The following ASPG variants were observed in gnomAD, a reference collection of about 807,000 sequenced individuals.
ASPG encodes 60 kDa lysophospholipase.
Under a neutral mutation model 63.2 loss-of-function variants are expected in ASPG, and 53 were observed. That is an observed-to-expected ratio of 0.84 (90% CI 0.67 to 1.05). The LOEUF is 1.05. Among genes scored for constraint, ASPG ranks in the 50% least tolerant of loss-of-function variants. The probability of loss-of-function intolerance (pLI) is 0.00; values close to 1 mark genes in which losing one functional copy is unlikely to be tolerated. For synonymous variants in ASPG, 370 were observed against 355.0 expected, an observed-to-expected ratio of 1.04 and a Z score of -0.48; for missense variants, 741 against 794.4, an observed-to-expected ratio of 0.93 and a Z score of 0.81.
intron 6 of ASPG, 60 bp downstream of exon 6, chr14:104,099,039 G>A (rs2036755206): frequency 2.6e-6 from 4 of 1,523,808 alleles, no homozygotes; most frequent in Admixed American, 1.9e-5. Context: ...GCGAGGGGCT[G>A]CTGCAGGGAG....
chr14:104,101,194 C>T (rs1388192714), intron 6 of ASPG, among the ~76,000 whole-genome samples: 4 of 152,286 alleles, frequency 2.6e-5, no homozygotes, highest in East Asian at 1.9e-4. Context: ...GCTGCCGGGC[C>T]GGTTCTGGCA....
intron 11 of ASPG, 34 bp from the exon 12 acceptor site, chr14:104,107,148 C>A (rs780694265): frequency 3.9e-6 from 6 of 1,532,688 alleles, no homozygotes; most frequent in Non-Finnish European, 3.5e-6. Context: ...GCCTGGGTCT[C>A]CCTCAGGGGT....
intron 12 of ASPG, among the ~76,000 whole-genome samples, chr14:104,107,932 A>G (rs1367532874): frequency 1.3e-5 from 2 of 152,126 alleles, no homozygotes; most frequent in African/African-American, 2.4e-5. Flanking sequence ...GCCCGGACCC[A>G]TGGGCTGCTC....
At chr14:104,086,904 T>A (rs1052360765) in intron 1 of ASPG, among the ~76,000 whole-genome samples, 4 of 152,122 alleles carry the variant, frequency 2.6e-5, no homozygotes, top group African/African-American at 9.7e-5. Context: ...GGGCCTCCCC[T>A]GGCATGACCA....
chr14:104,111,255 ATG>A (rs2037372171), intron 13 of ASPG: 5 of 903,140 alleles, frequency 5.5e-6, no homozygotes, highest in African/African-American at 3.6e-5. Context: ...CTGTGTGTGC[ATG>A]TGTGTTCATG....
At chr14:104,092,547 A>G in intron 1 of ASPG, 86 bp from the exon 2 acceptor site, 1 of 1,121,716 alleles carries the variant, frequency 8.9e-7, no homozygotes, top group East Asian at 2.6e-5. Context: ...CCATCCCACC[A>G]GCTCTGGTCC....
chr14:104,109,176 C>A lies in ASPG; in HGVS notation c.1434-53C>A, dbSNP rs1032414243. The A allele has an allele frequency of 3.8e-5, 60 of 1,597,112 alleles. No homozygotes were observed. The highest frequency in any genetic ancestry group is 4.9e-5 in the Non-Finnish European group (58 of 1,172,686). On this transcript the variant is annotated intron_variant, in intron 12 of 15. Transcript: ENST00000551177. The surrounding 1 kb of genome is among the most constrained non-coding windows in gnomAD (Gnocchi z 4.8). The stretch of plus-strand genomic sequence containing the variant: ...GCTCTGCTGGCTCCTGAGTGAGGTG[C>A]AGCGGGGCTGGGCTGGCCAGGGCAG...
chr14:104,093,789 A>G (rs1426110505), intron 3 of ASPG, among the ~76,000 whole-genome samples, 187 bp downstream of exon 3: 8 of 33,506 alleles, frequency 2.4e-4, no homozygotes, highest in Non-Finnish European at 2.9e-4. Context: ...GGGGCTGTGG[A>G]GTGTGGGTGG....
In ASPG at chr14:104,110,157, G is replaced by A. The variant is rs2037326754; in HGVS notation, c.1520+842G>A. On this transcript the variant is annotated intron_variant, in intron 13 of 15. Coordinates refer to ENST00000551177, the MANE Select transcript of ASPG (RefSeq NM_001080464.3). This position sits in a 1 kb window ranked among gnomAD's most constrained non-coding sequence, Gnocchi z 4.7. ...CGGAGGCAGGAGACCTGGGCCGGGT[G>A]CAGGTGGTGGCTGGGGTGGGGGTGC... 1.0e-6 allele frequency: 1 copy of A among 985,196 alleles called. No individual in the cohort carries two copies. Among genetic ancestry groups the A allele is most frequent in the African/African-American group, 1.7e-5 (1 of 57,200 alleles). 61.0% of individuals were successfully genotyped at this position (985,196 alleles called of 1,614,324 possible). A position where few individuals can be genotyped will look rare whatever the true frequency, so the allele number is the denominator to read the frequency against.
rs1202369923 is a variant in ASPG at position 104,112,513 on chromosome 14, C to T, written c.1702-11C>T. ...CCTGGGTGTCCTTCTCAGGAGCCCT[C>T]ATGTTTTCAGGAAGTGCTGCCTGGT... is the stretch of plus-strand genomic sequence containing the variant. On this transcript the variant is annotated splice_polypyrimidine_tract_variant and intron_variant, in intron 15 of 15. Coordinates refer to ENST00000551177, the MANE Select transcript of ASPG (RefSeq NM_001080464.3). 4 of 1,418,006 alleles carry T rather than the reference C, an allele frequency of 2.8e-6. No homozygotes were observed. Among genetic ancestry groups the T allele is most frequent in the South Asian group, 1.2e-5 (1 of 86,802 alleles). 87.8% of individuals were successfully genotyped at this position (1,418,006 alleles called of 1,614,324 possible).
intron 1 of ASPG, among the ~76,000 whole-genome samples, chr14:104,087,831 A>G (rs1405758494): frequency 1.3e-5 from 2 of 152,122 alleles, no homozygotes; most frequent in African/African-American, 4.8e-5. Flanking sequence ...GGGTGCACTC[A>G]CACGCGTGCA....
In ASPG at chr14:104,104,380, C is replaced by A. The variant is rs756216152; in HGVS notation, c.830C>A (p.Pro277His). 1.5e-5 allele frequency: 24 copies of A among 1,612,654 alleles called. No homozygotes were observed. The African/African-American group carries it at 2.3e-4, about 15-fold the overall frequency. Residue 277 changes from proline (P) to histidine (H), a missense_variant, in exon 8 of 16, where the codon CCC becomes CAC. By Grantham distance (77) the Pro-to-His change is moderately conservative. Coordinates refer to ENST00000551177, the MANE Select transcript of ASPG (RefSeq NM_001080464.3). ...GGTTCAGGGAACGGACCCACCAAGC[C>A]CGACCTGCTGCAGGAGCTGCGGGTG... is the stretch of plus-strand genomic sequence containing the variant. ...TFGSGNGPTK[P>H]DLLQELRVAT...
chr14:104,106,233 G>A (rs184462686), intron 10 of ASPG, among the ~76,000 whole-genome samples: 1 of 152,376 alleles, frequency 6.6e-6, no homozygotes, highest in Admixed American at 6.5e-5. Flanking sequence ...AGGCCACGTT[G>A]TACCCGCTGG....
intron 7 of ASPG, 55 bp from the exon 8 acceptor site, chr14:104,104,249 G>A (rs765654937): frequency 1.2e-5 from 19 of 1,554,720 alleles, no homozygotes; most frequent in Non-Finnish European, 1.7e-5. Flanking sequence ...GCGAGTCTCA[G>A]TGGTGCTGAG....
In ASPG at chr14:104,093,483, TC is replaced by T. The variant is rs1342944850; in HGVS notation, c.192-5del. ...GCTGTTCCGCCTCCTGCTGTTTCTG[TC>T]CCGCAGCCCGGCCAGCCGCAACCAG... On this transcript the variant is annotated splice_region_variant and splice_polypyrimidine_tract_variant and intron_variant, in intron 2 of 15. Coordinates refer to ENST00000551177, the MANE Select transcript of ASPG (RefSeq NM_001080464.3). The T allele has an allele frequency of 6.2e-7, 1 of 1,609,868 alleles. No individual in the cohort carries two copies. The highest frequency in any genetic ancestry group is 1.3e-5 in the African/African-American group (1 of 74,758).
intron 12 of ASPG, chr14:104,108,810 C>T (rs960943182): frequency 5.1e-6 from 5 of 985,280 alleles, no homozygotes; most frequent in African/African-American, 1.7e-5. Flanking sequence ...GTGTGATCAG[C>T]GTTTGGGTGT....
intron 4 of ASPG, among the ~76,000 whole-genome samples, chr14:104,096,042 C>T (rs947318212): frequency 2.6e-5 from 4 of 152,192 alleles, no homozygotes; most frequent in African/African-American, 4.8e-5. Flanking sequence ...CAGGAGGCCC[C>T]GGCCATGTCC....
chr14:104,107,309 A>T lies in ASPG; in HGVS notation c.1397A>T (p.Asp466Val). The change falls in exon 12 of 16, where the codon GAT becomes GTT. Residue 466 changes from aspartate to valine, a missense_variant. Asp to Val is a radical substitution (Grantham distance 152). Transcript: ENST00000551177. ...RGVDVNTRDTDGFSPLLLAVR... is the reference protein window; with the variant it reads ...RGVDVNTRDTVGFSPLLLAVR... ...GTGGACGTGAACACCCGGGACACGG[A>T]TGGCTTCAGCCCGCTGCTGCTGGCC... The T allele has an allele frequency of 6.2e-7, 1 of 1,602,200 alleles. No homozygotes were observed. Among genetic ancestry groups the T allele is most frequent in the Non-Finnish European group, 8.5e-7 (1 of 1,173,332 alleles).
rs926901320 is a variant in ASPG at position 104,104,164 on chromosome 14, A to G, written c.754-140A>G. On this transcript the variant is annotated intron_variant, in intron 7 of 15. Transcript: ENST00000551177. ...CCAGCAGCCATGCACGTCTGCCAGG[A>G]GCCCCACTGTCCCGGGAGCAGAGCA... is the stretch of plus-strand genomic sequence containing the variant. The G allele has an allele frequency of 2.4e-5, 23 of 947,392 alleles. No homozygotes were observed. The African/African-American group carries it at 2.7e-4, about 11-fold the overall frequency. 58.7% of individuals were successfully genotyped at this position (947,392 alleles called of 1,614,324 possible).
Sources: gnomAD v4.1 joint callset for allele counts (sites outside exome capture counted in the v4.1 genomes callset) on GRCh38, gnomAD v4.1.1 for gene constraint, Gnocchi (gnomAD v3.1) non-coding constraint, MANE v1.5 for transcripts, NCBI Gene and HGNC (gene_info 2026-07-23, HGNC 2026-07-21) for gene names.